The following ARHGAP35 variants were observed in gnomAD, a reference collection of about 807,000 sequenced individuals.
ARHGAP35 encodes Rho GTPase activating protein 35.
A neutral mutation model predicts 111.1 loss-of-function variants in ARHGAP35; 15 were observed. The observed-to-expected ratio is 0.13, with a 90% CI of 0.09 to 0.21. The LOEUF (loss-of-function observed/expected upper bound fraction) is 0.21, where lower values mean the gene tolerates loss of function less well. ARHGAP35 is among the 10% of genes least tolerant of loss of function. The pLI, the probability that ARHGAP35 is intolerant of heterozygous loss-of-function variation, is 1.00. For synonymous variants in ARHGAP35, 643 were observed against 710.3 expected (o/e 0.91, Z 1.51); for missense variants, 1,262 against 1,873.0 (o/e 0.67, Z 6.02).
At chr19:46,953,717 TAG>T (rs1286266952) in intron 3 of ARHGAP35, among the ~76,000 whole-genome samples, 2 of 152,114 alleles carry the variant, frequency 1.3e-5, no homozygotes, top group East Asian at 3.9e-4. Flanking sequence ...CTTGAAAGGG[TAG>T]AGTAGCACAC....
intron 3 of ARHGAP35, among the ~76,000 whole-genome samples, chr19:46,978,723 G>GTGTGTGGTGGGGTT (rs2056598035): frequency 1.1e-5 from 1 of 93,588 alleles, no homozygotes; most frequent in African/African-American, 4.4e-5. Flanking sequence ...GGTGGGATGT[G>GTGTGTGGTGGGGTT]TGTGTGGTGG....
rs1251420529 is a variant in ARHGAP35, at chr19:46,989,754, A to G, written c.4036+79A>G. ...TGGAAGAATAGGTCCTGCCCTCAGA[A>G]TGGATGCTGGCTGTTAGAGCTGAGG... is the stretch of plus-strand genomic sequence containing the variant. On this transcript the variant is annotated intron_variant, in intron 5 of 6. Coordinates refer to ENST00000672722, the MANE Select transcript of ARHGAP35 (RefSeq NM_004491.5). This position sits in a 1 kb window ranked among gnomAD's most constrained non-coding sequence, Gnocchi z 5.3. 2.5e-6 allele frequency: 4 copies of G among 1,589,496 alleles called. No individual in the cohort carries two copies. The highest frequency in any genetic ancestry group is 1.1e-5 in the South Asian group (1 of 90,080).
In ARHGAP35 at chr19:46,945,006, A is replaced by G. The variant is rs2056370422; in HGVS notation, c.3826+7598A>G. Among the ~76,000 whole-genome samples, 1 of 152,150 alleles carries G rather than the reference A, an allele frequency of 6.6e-6. No homozygotes were observed. The highest frequency in any genetic ancestry group is 2.1e-4 in the South Asian group (1 of 4,836). ...GAACAGCTTTCAGATTGATCTGCAG[A>G]TGCTTTTAGGACAGCCCAGCCCCGG... On this transcript the variant is annotated intron_variant, in intron 3 of 6. Coordinates refer to ENST00000672722, the MANE Select transcript of ARHGAP35 (RefSeq NM_004491.5). This position sits in a 1 kb window ranked among gnomAD's most constrained non-coding sequence, Gnocchi z 4.1.
chr19:46,959,960 G>C lies in ARHGAP35; in HGVS notation c.3826+22552G>C, dbSNP rs1248165911. On this transcript the variant is annotated intron_variant, in intron 3 of 6. Transcript: ENST00000672722. ...AAAAAAAATTTTTTTTTTTTTTTTA[G>C]TTAGCCATGCATTGTGGCACATGTC... Among the ~76,000 whole-genome samples, 3 of 144,458 alleles carry C rather than the reference G, an allele frequency of 2.1e-5. No individual in the cohort carries two copies. In the Admixed American group the frequency reaches 2.1e-4, roughly 10 times the overall value. 94.8% of individuals were successfully genotyped at this position (144,458 alleles called of 152,430 possible). A position where few individuals can be genotyped will look rare whatever the true frequency, so the allele number is the denominator to read the frequency against.
rs2056081732 is a variant in ARHGAP35 at position 46,901,104 on chromosome 19, G to C, written c.-188-17384G>C. On this transcript the variant is annotated intron_variant, in intron 1 of 6. Coordinates refer to ENST00000672722, the MANE Select transcript of ARHGAP35 (RefSeq NM_004491.5). This position sits in a 1 kb window ranked among gnomAD's most constrained non-coding sequence, Gnocchi z 4.5. ...GCCTAGTACAGTGCCTGGCACAGTA[G>C]TAGGTGCTTGCTCAGTAATTTTCAT... is the stretch of plus-strand genomic sequence containing the variant. Among the ~76,000 whole-genome samples the C allele has an allele frequency of 6.6e-6, 1 of 152,224 alleles. No homozygotes were observed. The highest frequency in any genetic ancestry group is 6.5e-5 in the Admixed American group (1 of 15,278).
At chr19:46,914,174 G>C (rs1057482279) in intron 1 of ARHGAP35, among the ~76,000 whole-genome samples, 4 of 152,166 alleles carry the variant, frequency 2.6e-5, no homozygotes, top group African/African-American at 9.7e-5. Context: ...GCTAAGAAGA[G>C]TATACTTACA....
intron 5 of ARHGAP35, among the ~76,000 whole-genome samples, chr19:46,990,760 C>T (rs1360078858): frequency 6.6e-6 from 1 of 152,206 alleles, no homozygotes. Context: ...TCCTGGGTCA[C>T]TGACTCTTAG....
chr19:46,995,895 T>C (rs1440314080), intron 5 of ARHGAP35, among the ~76,000 whole-genome samples: 1 of 152,200 alleles, frequency 6.6e-6, no homozygotes, highest in African/African-American at 2.4e-5. Context: ...TTGCTTTTAG[T>C]GTGGGCCAGA....
chr19:46,967,555 C>T (rs2056522530), intron 3 of ARHGAP35, among the ~76,000 whole-genome samples: 2 of 152,178 alleles, frequency 1.3e-5, no homozygotes, highest in African/African-American at 4.8e-5. Context: ...CTTTCAGTCC[C>T]TTATGCACAC....
rs2056202074 is a variant in ARHGAP35 at position 46,921,694 on chromosome 19, A to G, written c.3019A>G (p.Lys1007Glu). 3 of 1,613,866 alleles carry G rather than the reference A, an allele frequency of 1.9e-6. No individual in the cohort carries two copies. In the African/African-American group the frequency reaches 4.0e-5, roughly 22 times the overall value. The change falls in exon 2 of 7, where the codon AAA becomes GAA. Residue 1007 changes from lysine to glutamate, a missense_variant. Lys to Glu is a moderately conservative substitution (Grantham distance 56, BLOSUM62 1). Transcript: ENST00000672722. The surrounding 1 kb of genome is among the most constrained non-coding windows in gnomAD (Gnocchi z 4.3). ...AGACACATCACTGCCTTCTCTGTCC[A>G]AAGACCATTCTAAGCTCTCTATGGA... is the stretch of plus-strand genomic sequence containing the variant. ...REDTSLPSLS[K>E]DHSKLSMELE... is the part of the protein sequence containing the mutation.
intron 1 of ARHGAP35, among the ~76,000 whole-genome samples, chr19:46,906,538 TA>T (rs2056108940): frequency 6.6e-6 from 1 of 152,096 alleles, no homozygotes; most frequent in African/African-American, 2.4e-5. Flanking sequence ...GAAAAGTGTA[TA>T]AAGTATGTAC....
At chr19:46,884,862 C>T (rs988990622) in intron 1 of ARHGAP35, among the ~76,000 whole-genome samples, 8 of 151,986 alleles carry the variant, frequency 5.3e-5, no homozygotes, top group East Asian at 1.9e-4. Flanking sequence ...ACTACAGGTG[C>T]GCACCCACCA....
In ARHGAP35 at chr19:46,986,899, G is replaced by A. The variant is rs2056653511; in HGVS notation, c.3827-1090G>A. Among the ~76,000 whole-genome samples, 2 of 152,140 alleles carry A rather than the reference G, an allele frequency of 1.3e-5. No homozygotes were observed. The highest frequency in any genetic ancestry group is 4.8e-5 in the African/African-American group (2 of 41,444). ...GCTGGAGTGCAGTGGCACGATCTTG[G>A]CTCACCACAACCTCCACCTCCTGGG... is the stretch of plus-strand genomic sequence containing the variant. On this transcript the variant is annotated intron_variant, in intron 3 of 6. Coordinates refer to ENST00000672722, the MANE Select transcript of ARHGAP35 (RefSeq NM_004491.5). This position sits in a 1 kb window ranked among gnomAD's most constrained non-coding sequence, Gnocchi z 4.3.
chr19:46,978,855 GTGTA>G (rs2056600981), intron 3 of ARHGAP35, among the ~76,000 whole-genome samples: 1 of 126,348 alleles, frequency 7.9e-6, no homozygotes, highest in African/African-American at 3.2e-5. Flanking sequence ...GGTGGGGTGT[GTGTA>G]TGGTGGGGTT....
chr19:46,972,099 T>C (rs1050664771), intron 3 of ARHGAP35, among the ~76,000 whole-genome samples: 11 of 152,176 alleles, frequency 7.2e-5, no homozygotes, highest in Admixed American at 7.2e-4. Context: ...AACCTCCGCC[T>C]CCCGGGTTCA....
Position 46,945,197 on chromosome 19 carries a change from GA to G in ARHGAP35, c.3826+7790del, listed in dbSNP as rs563843147. On this transcript the variant is annotated intron_variant, in intron 3 of 6. Coordinates refer to ENST00000672722, the MANE Select transcript of ARHGAP35 (RefSeq NM_004491.5). The surrounding 1 kb of genome is among the most constrained non-coding windows in gnomAD (Gnocchi z 4.1). ...GAGGGGGAGCTTAGGAGGCGGGGTT[GA>G]GGGGGAGCTTAAGAGTCAGACTAAC... 6.6e-6 allele frequency among the ~76,000 whole-genome samples: 1 copy of G among 152,164 alleles called. No individual in the cohort carries two copies. Among genetic ancestry groups the G allele is most frequent in the South Asian group, 2.1e-4 (1 of 4,822 alleles).
chr19:46,891,729 C>A (rs2056024908), intron 1 of ARHGAP35, among the ~76,000 whole-genome samples: 1 of 152,122 alleles, frequency 6.6e-6, no homozygotes, highest in Non-Finnish European at 1.5e-5. Flanking sequence ...CCGGCCAGGG[C>A]AAAGGTTCTT....
intron 1 of ARHGAP35, among the ~76,000 whole-genome samples, chr19:46,910,107 G>A (rs1188973280): frequency 6.6e-6 from 1 of 151,928 alleles, no homozygotes; most frequent in Non-Finnish European, 1.5e-5. Context: ...TAACTCAACG[G>A]GGTAAAAGAT....
intron 1 of ARHGAP35, among the ~76,000 whole-genome samples, chr19:46,880,199 G>C (rs1386957101): frequency 6.6e-6 from 1 of 152,036 alleles, no homozygotes; most frequent in Non-Finnish European, 1.5e-5. Flanking sequence ...TCGGGAGGCT[G>C]AGGCGGGTGA....
Sources: gnomAD v4.1 joint callset for allele counts (sites outside exome capture counted in the v4.1 genomes callset) on GRCh38, gnomAD v4.1.1 for gene constraint, Gnocchi (gnomAD v3.1) non-coding constraint, MANE v1.5 for transcripts, NCBI Gene and HGNC (gene_info 2026-07-23, HGNC 2026-07-21) for gene names.